The following TTLL8 variants were observed in gnomAD, a reference collection of about 807,000 sequenced individuals.
TTLL8 encodes tubulin tyrosine ligase like 8.
A neutral mutation model predicts 77.8 loss-of-function variants in TTLL8; 65 were observed. The observed-to-expected ratio is 0.84, with a 90% confidence interval of 0.68 to 1.03. TTLL8 has a LOEUF of 1.03. TTLL8 is among the 50% of genes least tolerant of loss of function. TTLL8 has a pLI of 0.00. For missense variants in TTLL8, 910 were observed against 1,004.5 expected (o/e 0.91, Z 1.27); for synonymous variants, 402 against 422.8 (o/e 0.95, Z 0.60).
intron 12 of TTLL8, among the ~76,000 whole-genome samples, chr22:50,022,843 C>G (rs1803120264): frequency 6.6e-6 from 1 of 152,258 alleles, no homozygotes; most frequent in Non-Finnish European, 1.5e-5. Context: ...CCAAAGGCAT[C>G]TACAAGTTGC....
chr22:50,033,949 C>T (rs1321011850), intron 9 of TTLL8, among the ~76,000 whole-genome samples: 1 of 152,184 alleles, frequency 6.6e-6, no homozygotes, highest in East Asian at 1.9e-4. Flanking sequence ...AGGAGAATTG[C>T]TTAAACCTGG....
At position 50,034,328 on chromosome 22, in the gene TTLL8, G is replaced by A. The variant is rs763897581; in HGVS notation, c.1039+17C>T. On this transcript the variant is annotated intron_variant, in intron 9 of 13. Transcript: ENST00000266182. This position sits in a 1 kb window ranked among gnomAD's most constrained non-coding sequence, Gnocchi z 4.1. ...GGCCGTTGGTGGCTATGAACGCGGT[G>A]CAGGGAGCATCCGCACCAGGGGACT... is the stretch of plus-strand genomic sequence containing the variant. 6.6e-6 allele frequency: 9 copies of A among 1,361,878 alleles called. No homozygotes were observed. Among genetic ancestry groups the A allele is most frequent in the South Asian group, 4.6e-5 (4 of 87,774 alleles). 84.4% of individuals were successfully genotyped at this position (1,361,878 alleles called of 1,614,324 possible).
Position 50,032,059 on chromosome 22 carries a change from A to G in TTLL8, c.1334T>C (p.Val445Ala), listed in dbSNP as rs371870199. 31 of 1,365,198 alleles carry G rather than the reference A, an allele frequency of 2.3e-5. No homozygotes were observed. The African/African-American group carries it at 4.6e-4, about 20-fold the overall frequency. 84.6% of individuals were successfully genotyped at this position (1,365,198 alleles called of 1,614,324 possible). ...TGCGGGCAGCAGGGGGCTGCGGCCC[A>G]CATCATTCTTCAGGTACTTCTGGAC... The change falls in exon 11 of 14, where the codon GTG (valine) becomes GCG (alanine). Residue 445 changes from valine (V) to alanine (A), a missense_variant. By Grantham distance (64) the Val-to-Ala change is moderately conservative (BLOSUM62 0). Around this residue, in one of 2 missense-constraint regions of TTLL8, gnomAD observed 776 missense variants for 926.1 expected, o/e 0.84. Transcript: ENST00000266182.
At chr22:50,040,204 CAT>C (rs2146670215) in intron 8 of TTLL8, among the ~76,000 whole-genome samples, 1 of 148,750 alleles carries the variant, frequency 6.7e-6, no homozygotes, top group Non-Finnish European at 1.5e-5. Flanking sequence ...ACGGACCTCA[CAT>C]GTGTCAGCAT....
At chr22:50,056,797 C>A, upstream of TTLL8, 1 of 1,289,156 alleles carries the variant, frequency 7.8e-7, no homozygotes, top group Non-Finnish European at 1.0e-6. The surrounding 1 kb of genome is among the most constrained non-coding windows in gnomAD (Gnocchi z 4.1). Flanking sequence ...CAGCAGGCTG[C>A]AGCCAGCACT....
upstream of TTLL8, chr22:50,057,076 G>A (rs114256716): frequency 9.1e-4 from 732 of 802,908 alleles, 4 homozygotes; most frequent in African/African-American, 0.011. Flanking sequence ...GTCTGGGGTT[G>A]GGGATCAGCT....
chr22:50,036,075 C>T (rs568774942), intron 8 of TTLL8, among the ~76,000 whole-genome samples: 24 of 152,222 alleles, frequency 1.6e-4, no homozygotes, highest in Non-Finnish European at 3.1e-4. Flanking sequence ...AGAACAAGCA[C>T]GGGCCTCCAG....
At chr22:50,047,564 A>G (rs2061420489) in intron 3 of TTLL8, among the ~76,000 whole-genome samples, 1 of 152,144 alleles carries the variant, frequency 6.6e-6, no homozygotes, top group South Asian at 2.1e-4. Context: ...AGCCGTCCGC[A>G]TGGGGTCTAC....
intron 12 of TTLL8, among the ~76,000 whole-genome samples, chr22:50,020,825 C>G (rs1411032178): frequency 6.8e-6 from 1 of 147,148 alleles, no homozygotes; most frequent in Non-Finnish European, 1.5e-5. Flanking sequence ...ATCTGACGTG[C>G]ACTCCTCCAT....
At chr22:50,040,277 G>A (rs539724608) in intron 8 of TTLL8, among the ~76,000 whole-genome samples, 1 of 151,360 alleles carries the variant, frequency 6.6e-6, no homozygotes, top group African/African-American at 2.4e-5. Context: ...TGCCAGCATG[G>A]ACAGACCTCA....
chr22:50,056,965 C>A (rs1291416530), upstream of TTLL8: 9 of 1,289,668 alleles, frequency 7.0e-6, no homozygotes, highest in Non-Finnish European at 9.1e-6. The surrounding 1 kb of genome is among the most constrained non-coding windows in gnomAD (Gnocchi z 4.1). Context: ...CCCTTTGCTC[C>A]TCTGACCCCT....
At chr22:50,022,160 C>CGTGCACTCCTCCATCTGATGAT (rs1196516355) in intron 12 of TTLL8, among the ~76,000 whole-genome samples, 1 of 129,608 alleles carries the variant, frequency 7.7e-6, no homozygotes, top group Admixed American at 7.7e-5. Flanking sequence ...CATCTGATGA[C>CGTGCACTCCTCCATCTGATGAT]GTGCACTCCT....
In TTLL8 at chr22:50,034,222, G is replaced by A. The variant is rs1358829009; in HGVS notation, c.1039+123C>T. 2 of 1,173,324 alleles carry A rather than the reference G, an allele frequency of 1.7e-6. No individual in the cohort carries two copies. The highest frequency in any genetic ancestry group is 2.2e-6 in the Non-Finnish European group (2 of 921,852). 72.7% of individuals were successfully genotyped at this position (1,173,324 alleles called of 1,614,324 possible). Reference sequence around the variant, plus strand: ...AGTCCTGACCCCCACGCCTGCCTCGGCGTTCTGCTCCCTCCCTTCCTTCCC... The same window carrying A: ...AGTCCTGACCCCCACGCCTGCCTCGACGTTCTGCTCCCTCCCTTCCTTCCC... On this transcript the variant is annotated intron_variant, in intron 9 of 13. Transcript: ENST00000266182. The surrounding 1 kb of genome is among the most constrained non-coding windows in gnomAD (Gnocchi z 4.1).
intron 8 of TTLL8, among the ~76,000 whole-genome samples, chr22:50,040,102 C>T (rs1018538713): frequency 2.1e-5 from 3 of 146,316 alleles, no homozygotes; most frequent in Non-Finnish European, 4.5e-5. Context: ...ATGGACCTCA[C>T]GTGTGCCAGC....
intron 1 of TTLL8, among the ~76,000 whole-genome samples, chr22:50,051,702 C>G (rs2061444502): frequency 6.6e-6 from 1 of 152,162 alleles, no homozygotes; most frequent in African/African-American, 2.4e-5. Flanking sequence ...ACCTCTATTA[C>G]TTTTTCACTC....
intron 6 of TTLL8, among the ~76,000 whole-genome samples, chr22:50,042,677 C>G (rs1365362711): frequency 6.6e-6 from 1 of 152,188 alleles, no homozygotes; most frequent in African/African-American, 2.4e-5. Context: ...CACCTGCAAT[C>G]CCAGCACTTT....
intron 8 of TTLL8, among the ~76,000 whole-genome samples, chr22:50,038,734 C>A (rs541685343): frequency 6.6e-6 from 1 of 152,112 alleles, no homozygotes; most frequent in East Asian, 1.9e-4. Flanking sequence ...ATTGCTTGAG[C>A]CCAGGAGTTT....
chr22:50,056,593 G>A (rs550010076), upstream of TTLL8, among the ~76,000 whole-genome samples: 117 of 152,294 alleles, frequency 7.7e-4, no homozygotes, highest in African/African-American at 2.7e-3. The surrounding 1 kb of genome is among the most constrained non-coding windows in gnomAD (Gnocchi z 4.1). Flanking sequence ...TCCACGACCC[G>A]CCAGGAGAGC....
chr22:50,033,550 T>C, intron 9 of TTLL8, 105 bp from the exon 11 acceptor site: 1 of 1,059,176 alleles, frequency 9.4e-7, no homozygotes, highest in South Asian at 1.4e-5. Flanking sequence ...AGACCTGCAC[T>C]GGCTTTGTCC....
Sources: gnomAD v4.1 joint callset for allele counts (sites outside exome capture counted in the v4.1 genomes callset) on GRCh38, gnomAD v4.1.1 for gene constraint, gnomAD v4.1.1 regional missense constraint, Gnocchi (gnomAD v3.1) non-coding constraint, MANE v1.5 for transcripts, NCBI Gene and HGNC (gene_info 2026-07-23, HGNC 2026-07-21) for gene names.